Variants in ZNF559 observed in about 807,000 individuals in gnomAD.
ZNF559 encodes the protein zinc finger protein 559, also known as putative protein product of Nbla00121.
A neutral mutation model predicts 14.2 loss-of-function variants in ZNF559; 17 were observed. That is an observed-to-expected ratio of 1.20 (90% confidence interval 0.82 to 1.80). The LOEUF is 1.80. ZNF559 is among the 40% of genes most tolerant of loss of function. The pLI, the probability that ZNF559 is intolerant of heterozygous loss-of-function variation, is 0.00. For synonymous variants in ZNF559, 244 were observed against 212.4 expected (o/e 1.15, Z -1.29); for missense variants, 740 against 629.7 (o/e 1.18, Z -1.88).
At position 9,342,400 on chromosome 19, in the gene ZNF559, A is replaced by C. The variant is rs1023538113; in HGVS notation, c.949A>C (p.Arg317=). Residue 317 remains arginine, a synonymous_variant, in exon 7 of 7, where the codon AGG becomes CGG. Coordinates refer to ENST00000603380, the MANE Select transcript of ZNF559 (RefSeq NM_032497.3). ...TCFSKLNIHI[R]VHTGEKPYEC... The stretch of plus-strand genomic sequence containing the variant: ...TTTCTCAAAACTCAACATTCACATA[A>C]GGGTTCACACTGGAGAAAAACCGTA... 1 of 1,612,950 alleles carries C rather than the reference A, an allele frequency of 6.2e-7. No individual in the cohort carries two copies.
rs1479477128 is a variant in ZNF559 at position 9,344,877 on chromosome 19, A to T, written c.*1809A>T. On this transcript the variant is annotated 3_prime_UTR_variant, in exon 7 of 7. Transcript: ENST00000603380. ...TTTGAGATATAATTGCCATGTAATA[A>T]ACTGCACATGTTTTTAGCATACACT... 1 of 152,178 alleles carries T rather than the reference A, an allele frequency of 6.6e-6. No individual in the cohort carries two copies. The highest frequency in any genetic ancestry group is 1.9e-4 in the East Asian group (1 of 5,198). The allele number at this position is 152,178 out of a possible 1,614,324, so 9.4% of individuals were successfully genotyped here.
chr19:9,340,580 AAAAAAAAAAAAG>A (rs1259813454), intron 5 of ZNF559, among the ~76,000 whole-genome samples: 2 of 124,330 alleles, frequency 1.6e-5, no homozygotes, highest in African/African-American at 6.1e-5. Context: ...AAAAAAAAAA[AAAAAAAAAAAAG>A]AGTCTTGCTC....
chr19:9,337,652 CAA>C (rs2067314251), intron 2 of ZNF559, 142 bp from the exon 3 acceptor site: 1 of 410,332 alleles, frequency 2.4e-6, no homozygotes, highest in Non-Finnish European at 3.9e-6. Context: ...ATGATAGTAA[CAA>C]AAACTGCTTT....
chr19:9,324,159 C>T (rs1292752755), upstream of ZNF559: 1 of 1,536,012 alleles, frequency 6.5e-7, no homozygotes, highest in African/African-American at 1.4e-5. Flanking sequence ...TGCGCGTGCG[C>T]GGCGTGTCTG....
In ZNF559 at chr19:9,343,225, C is replaced by T. The variant is rs1216574542; in HGVS notation, c.*157C>T. 1.1e-5 allele frequency: 16 copies of T among 1,446,166 alleles called. No individual in the cohort carries two copies. Among genetic ancestry groups the T allele is most frequent in the East Asian group, 4.9e-5 (2 of 40,542 alleles). 89.6% of individuals were successfully genotyped at this position (1,446,166 alleles called of 1,614,324 possible). A position where few individuals can be genotyped will look rare whatever the true frequency, so the allele number is the denominator to read the frequency against. ...TTAACAATTCCAATAGAAGAGAAGA[C>T]ATATGAATGTAAGGAATGTGGGAAA... On this transcript the variant is annotated 3_prime_UTR_variant, in exon 7 of 7. Coordinates refer to ENST00000603380, the MANE Select transcript of ZNF559 (RefSeq NM_032497.3).
intron 2 of ZNF559, 100 bp downstream of exon 2, chr19:9,324,880 C>A: frequency 1.0e-6 from 1 of 975,516 alleles, no homozygotes; most frequent in Non-Finnish European, 1.6e-6. Flanking sequence ...TGTTCGAGAG[C>A]ACATGGATCT....
intron 2 of ZNF559, among the ~76,000 whole-genome samples, chr19:9,334,440 T>C (rs74707162): frequency 0.021 from 3,212 of 152,320 alleles, 109 homozygotes; most frequent in African/African-American, 0.073. Context: ...AAGAACTATA[T>C]GTGTAACAGT....
chr19:9,330,951 A>AC (rs1195188223), intron 2 of ZNF559, among the ~76,000 whole-genome samples: 3 of 152,204 alleles, frequency 2.0e-5, no homozygotes, highest in African/African-American at 7.2e-5. Context: ...ACTGGGAAAG[A>AC]CGTTCATCCA....
intron 2 of ZNF559, among the ~76,000 whole-genome samples, chr19:9,337,064 A>G (rs1421450164): frequency 2.9e-4 from 44 of 152,206 alleles, no homozygotes; most frequent in Admixed American, 2.9e-3. Context: ...TAATTCTCCT[A>G]GTAAAAGTGT....
chr19:9,338,441 G>GTC, intron 3 of ZNF559, 53 bp from the exon 4 acceptor site: 2 of 1,386,024 alleles, frequency 1.4e-6, no homozygotes, highest in South Asian at 2.4e-5. Context: ...TGCCTTGTGA[G>GTC]TATGGAAGCT....
chr19:9,339,359 G>T (rs374786120), intron 5 of ZNF559, 40 bp downstream of exon 5: 1 of 1,565,602 alleles, frequency 6.4e-7, no homozygotes, highest in South Asian at 1.2e-5. Context: ...TTTTTTTCTG[G>T]AACAAATGTG....
chr19:9,331,441 C>G (rs562527840), intron 2 of ZNF559, among the ~76,000 whole-genome samples: 1 of 152,182 alleles, frequency 6.6e-6, no homozygotes, highest in East Asian at 1.9e-4. Context: ...ACTAAATTGT[C>G]AAGGGTTAGA....
chr19:9,342,653 A>G lies in ZNF559; in HGVS notation c.1202A>G (p.Gln401Arg). The change falls in exon 7 of 7, where the codon CAG (glutamine) becomes CGG (arginine). Residue 401 changes from glutamine (Q) to arginine (R), a missense_variant. By Grantham distance (43) the Gln-to-Arg change is conservative (BLOSUM62 1). Coordinates refer to ENST00000603380, the MANE Select transcript of ZNF559 (RefSeq NM_032497.3). The part of the protein sequence containing the change: ...INSSSFKSHM[Q>R]THPGVKPYDC... ...TCCTCTTCCTTTAAAAGTCACATGC[A>G]GACTCATCCTGGTGTAAAACCCTAT... 1 of 1,614,090 alleles carries G rather than the reference A, an allele frequency of 6.2e-7. No homozygotes were observed. Among genetic ancestry groups the G allele is most frequent in the Non-Finnish European group, 8.5e-7 (1 of 1,179,996 alleles).
At chr19:9,336,531 C>T (rs2067247901) in intron 2 of ZNF559, among the ~76,000 whole-genome samples, 1 of 151,820 alleles carries the variant, frequency 6.6e-6, no homozygotes, top group Non-Finnish European at 1.5e-5. Flanking sequence ...GCAGACCTTG[C>T]TTGCAGTGAG....
At chr19:9,336,273 A>T (rs545414466) in intron 2 of ZNF559, among the ~76,000 whole-genome samples, 6 of 152,176 alleles carry the variant, frequency 3.9e-5, no homozygotes, top group African/African-American at 1.4e-4. Flanking sequence ...ATTTTTTTCC[A>T]TAGTACTTGT....
At position 9,342,084 on chromosome 19, in the gene ZNF559, A is replaced by AC. The variant is rs751550321; in HGVS notation, c.635dup (p.Tyr213IlefsTer4). On this transcript the variant is annotated frameshift_variant, in exon 7 of 7. Coordinates refer to ENST00000603380, the MANE Select transcript of ZNF559 (RefSeq NM_032497.3). LOFTEE classifies it low-confidence loss of function (END_TRUNC). The stretch of plus-strand genomic sequence containing the variant: ...GTGTAAGAATTTATGGTGGAGAGAG[A>AC]CCATATACTCATAAGGAGTATGTCG... 56 of 1,612,734 alleles carry AC rather than the reference A, an allele frequency of 3.5e-5. No individual in the cohort carries two copies. Among genetic ancestry groups the AC allele is most frequent in the Non-Finnish European group, 4.6e-5 (54 of 1,179,648 alleles).
Position 9,343,608 on chromosome 19 carries a change from G to A in ZNF559, c.*540G>A, listed in dbSNP as rs1478990322. 3.0e-6 allele frequency: 3 copies of A among 990,656 alleles called. No individual in the cohort carries two copies. In the African/African-American group the frequency reaches 5.2e-5, roughly 17 times the overall value. The allele number at this position is 990,656 out of a possible 1,614,324, so 61.4% of individuals were successfully genotyped here. On this transcript the variant is annotated 3_prime_UTR_variant, in exon 7 of 7. Coordinates refer to ENST00000603380, the MANE Select transcript of ZNF559 (RefSeq NM_032497.3). ...TTTTTAGCTTCCACTTTGGGAACATGTCAAAGCACACATTGAGAAGTCCCA... is the reference window on the plus strand; with the variant it reads ...TTTTTAGCTTCCACTTTGGGAACATATCAAAGCACACATTGAGAAGTCCCA...
chr19:9,342,434 A>T lies in ZNF559; in HGVS notation c.983A>T (p.Asn328Ile). The T allele has an allele frequency of 6.2e-7, 1 of 1,614,190 alleles. No homozygotes were observed. Among genetic ancestry groups the T allele is most frequent in the Non-Finnish European group, 8.5e-7 (1 of 1,180,032 alleles). Residue 328 changes from asparagine to isoleucine, a missense_variant, in exon 7 of 7, where the codon AAC (asparagine) becomes ATC (isoleucine). By Grantham distance (149) the Asn-to-Ile change is moderately radical (BLOSUM62 -3). Coordinates refer to ENST00000603380, the MANE Select transcript of ZNF559 (RefSeq NM_032497.3). ...ACTGGAGAAAAACCGTATGAGTGCA[A>T]CAAATGTGGGAAAGCCTTCACTGAT... ...VHTGEKPYEC[N>I]KCGKAFTDSS...
In ZNF559 at chr19:9,341,831, C is replaced by T. The variant is rs1288492492; in HGVS notation, c.380C>T (p.Ala127Val). The T allele has an allele frequency of 6.2e-7, 1 of 1,611,090 alleles. No individual in the cohort carries two copies. Among genetic ancestry groups the T allele is most frequent in the Non-Finnish European group, 8.5e-7 (1 of 1,179,270 alleles). Reference sequence around the variant, plus strand: ...TGTGAGTGTAATCAATGTGAAAAAGCCTTCAGAAAACCCTCTATCTTTACT... The same window carrying T: ...TGTGAGTGTAATCAATGTGAAAAAGTCTTCAGAAAACCCTCTATCTTTACT... ...KTCECNQCEKAFRKPSIFTLH... is the reference protein window; with the variant it reads ...KTCECNQCEKVFRKPSIFTLH... Residue 127 changes from alanine (A) to valine (V), a missense_variant, in exon 7 of 7, where the codon GCC becomes GTC. Physicochemically the swap from Ala to Val is moderately conservative, Grantham distance 64. Transcript: ENST00000603380.
Sources: gnomAD v4.1 joint callset for allele counts (sites outside exome capture counted in the v4.1 genomes callset) on GRCh38, gnomAD v4.1.1 for gene constraint, MANE v1.5 for transcripts, NCBI Gene and HGNC (gene_info 2026-07-23, HGNC 2026-07-21) for gene names.